Variants in LRRTM4 observed in about 807,000 individuals in gnomAD.
The protein encoded by LRRTM4 is leucine-rich repeat transmembrane neuronal protein 4.
Under a neutral mutation model 47.6 loss-of-function variants are expected in LRRTM4, and 25 were observed. That is an observed-to-expected ratio of 0.53 (90% CI 0.38 to 0.73). The LOEUF (loss-of-function observed/expected upper bound fraction) is 0.73, where lower values mean the gene tolerates loss of function less well. Among genes scored for constraint, LRRTM4 ranks in the 30% least tolerant of loss-of-function variants. LRRTM4 has a pLI of 0.00. For synonymous variants in LRRTM4, 311 were observed against 269.5 expected (o/e 1.15, Z -1.51); for missense variants, 638 against 713.4 (o/e 0.89, Z 1.20).
intron 3 of LRRTM4, among the ~76,000 whole-genome samples, chr2:77,135,684 A>G (rs996257084): frequency 6.6e-6 from 1 of 152,300 alleles, no homozygotes; most frequent in African/African-American, 2.4e-5. Context: ...TCTCAATGAA[A>G]AATTGAGTAT....
intron 3 of LRRTM4, among the ~76,000 whole-genome samples, chr2:77,207,107 A>G (rs1327729599): frequency 6.8e-6 from 1 of 147,456 alleles, no homozygotes; most frequent in African/African-American, 2.5e-5. Flanking sequence ...TTTGTAACCA[A>G]CTGAAATTTA....
chr2:77,156,734 G>T (rs1220787385), intron 3 of LRRTM4, among the ~76,000 whole-genome samples: 3 of 149,084 alleles, frequency 2.0e-5, no homozygotes, highest in East Asian at 2.0e-4. Context: ...TTGAGACAAG[G>T]TCTTACCCTG....
intron 3 of LRRTM4, among the ~76,000 whole-genome samples, chr2:77,354,913 G>A (rs1340935905): frequency 6.6e-6 from 1 of 151,372 alleles, no homozygotes; most frequent in Non-Finnish European, 1.5e-5. Flanking sequence ...TTGGTTAAGG[G>A]CCCCTGTTTC....
Position 77,451,685 on chromosome 2 carries a change from G to A in LRRTM4, c.1551+66633C>T, listed in dbSNP as rs139970233. Reference sequence around the variant, plus strand: ...TCTCCTAGATCTTGCTTTGCAGTAGGTGAAAACAACTAACTTACTAATCAA... The same window carrying A: ...TCTCCTAGATCTTGCTTTGCAGTAGATGAAAACAACTAACTTACTAATCAA... On this transcript the variant is annotated intron_variant, in intron 3 of 3. Coordinates refer to ENST00000409884, the MANE Select transcript of LRRTM4 (RefSeq NM_001134745.3). 3.2e-3 allele frequency among the ~76,000 whole-genome samples: 487 copies of A among 152,262 alleles called. 7 individuals carry two copies. The highest frequency in any genetic ancestry group is 6.9e-3 in the Admixed American group (106 of 15,286).
At chr2:77,457,040 ATATATATATATG>A (rs1475535130) in intron 3 of LRRTM4, among the ~76,000 whole-genome samples, 3,846 of 28,534 alleles carry the variant, frequency 0.13, 191 homozygotes, top group Non-Finnish European at 0.17. Context: ...ATATATATAT[ATATATATATATG>A]TATAACCTGG....
chr2:76,892,717 G>C (rs138010454), intron 3 of LRRTM4, among the ~76,000 whole-genome samples: 1 of 151,698 alleles, frequency 6.6e-6, no homozygotes, highest in African/African-American at 2.4e-5. Flanking sequence ...GGCGATTAAT[G>C]TGTATTTTAA....
intron 3 of LRRTM4, among the ~76,000 whole-genome samples, chr2:77,453,372 G>A (rs954255099): frequency 2.6e-5 from 4 of 151,534 alleles, no homozygotes; most frequent in South Asian, 2.1e-4. Flanking sequence ...TAGTAGAGAC[G>A]GGGTTCACCG....
intron 2 of LRRTM4, among the ~76,000 whole-genome samples, chr2:77,520,997 C>A (rs1679468069): frequency 2.0e-5 from 3 of 151,748 alleles, no homozygotes; most frequent in South Asian, 4.2e-4. Context: ...CAACCAAATC[C>A]CTAATCTAAA....
chr2:77,501,333 T>C (rs1388287726), intron 3 of LRRTM4, among the ~76,000 whole-genome samples: 2 of 150,790 alleles, frequency 1.3e-5, no homozygotes, highest in East Asian at 1.9e-4. Context: ...AAAACATATA[T>C]GAATACATAG....
At chr2:76,764,191 A>C (rs1474980094) in intron 3 of LRRTM4, among the ~76,000 whole-genome samples, 2 of 152,210 alleles carry the variant, frequency 1.3e-5, no homozygotes, top group Admixed American at 6.5e-5. Context: ...TTGAAGAAGA[A>C]ATTATTAATC....
intron 3 of LRRTM4, among the ~76,000 whole-genome samples, chr2:76,911,451 T>C (rs1674052881): frequency 6.6e-6 from 1 of 152,242 alleles, no homozygotes; most frequent in African/African-American, 2.4e-5. Context: ...TAAATCTCTT[T>C]GTTTTTGTAT....
At chr2:77,298,363 A>G (rs544199695) in intron 3 of LRRTM4, among the ~76,000 whole-genome samples, 2 of 152,190 alleles carry the variant, frequency 1.3e-5, no homozygotes, top group Admixed American at 1.3e-4. Flanking sequence ...CAGCCTCCCG[A>G]GTAGCTGGGA....
At chr2:76,807,080 A>C (rs1379538278) in intron 3 of LRRTM4, among the ~76,000 whole-genome samples, 1 of 152,072 alleles carries the variant, frequency 6.6e-6, no homozygotes, top group East Asian at 1.9e-4. Flanking sequence ...CTGCTTCTAC[A>C]TTCATGGGTG....
intron 3 of LRRTM4, among the ~76,000 whole-genome samples, chr2:76,987,761 C>T (rs1676854359): frequency 6.6e-6 from 1 of 151,760 alleles, no homozygotes; most frequent in African/African-American, 2.4e-5. Flanking sequence ...TGTAGATGCA[C>T]TAACATGAGC....
intron 3 of LRRTM4, among the ~76,000 whole-genome samples, chr2:76,902,688 T>C (rs1673681780): frequency 6.6e-6 from 1 of 152,302 alleles, no homozygotes; most frequent in African/African-American, 2.4e-5. Flanking sequence ...ATTTTGCCTA[T>C]TTTAAATTTT....
At chr2:77,433,039 G>A (rs933845490) in intron 3 of LRRTM4, among the ~76,000 whole-genome samples, 2 of 152,140 alleles carry the variant, frequency 1.3e-5, no homozygotes, top group Middle Eastern at 3.2e-3. Context: ...CTCTGAAATG[G>A]GAGAAGGGCA....
chr2:76,794,401 C>G (rs1675146791), intron 3 of LRRTM4, among the ~76,000 whole-genome samples: 1 of 152,148 alleles, frequency 6.6e-6, no homozygotes, highest in African/African-American at 2.4e-5. Flanking sequence ...CTAAATACTG[C>G]TATATGACTA....
chr2:77,142,837 T>C (rs1413757004), intron 3 of LRRTM4, among the ~76,000 whole-genome samples: 1 of 152,192 alleles, frequency 6.6e-6, no homozygotes, highest in Non-Finnish European at 1.5e-5. Context: ...TGCTTTTTTG[T>C]AATTTGCACT....
intron 3 of LRRTM4, among the ~76,000 whole-genome samples, chr2:77,061,792 GAACA>G (rs1236290904): frequency 2.6e-5 from 4 of 152,014 alleles, no homozygotes; most frequent in Non-Finnish European, 2.9e-5. Context: ...TGAGTTAATT[GAACA>G]AACTTTTTTG....
Sources: gnomAD v4.1 joint callset for allele counts (sites outside exome capture counted in the v4.1 genomes callset) on GRCh38, gnomAD v4.1.1 for gene constraint, MANE v1.5 for transcripts, NCBI Gene and HGNC (gene_info 2026-07-23, HGNC 2026-07-21) for gene names.